BRD2: variants seen among roughly 807,000 people sequenced by gnomAD.
BRD2 encodes the protein bromodomain-containing protein 2.
A neutral mutation model predicts 79.1 loss-of-function variants in BRD2; 15 were observed. The ratio of observed to expected loss-of-function variants is 0.19; its 90% CI spans 0.13 to 0.29. The LOEUF (loss-of-function observed/expected upper bound fraction) is 0.29. Among genes scored for constraint, BRD2 ranks in the 10% least tolerant of loss-of-function variants. The pLI is 1.00. For missense variants in BRD2, 1,053 were observed against 991.3 expected (o/e 1.06, Z -0.84); for synonymous variants, 488 against 358.6 (o/e 1.36, Z -4.08).
intron 11 of BRD2, 65 bp from the exon 12 acceptor site, chr6:32,980,277 C>A (rs1672129506): frequency 6.2e-7 from 1 of 1,600,978 alleles, no homozygotes; most frequent in East Asian, 2.2e-5. Flanking sequence ...ACTTGGGAAC[C>A]TTAGGGGCCC....
At position 32,977,834 on chromosome 6, in the gene BRD2, G is replaced by A. The variant is rs765766361; in HGVS notation, c.1407G>A (p.Met469Ile). The A allele has an allele frequency of 1.2e-6, 2 of 1,613,096 alleles. No individual in the cohort carries two copies. The highest frequency in any genetic ancestry group is 2.2e-5 in the East Asian group (1 of 44,874). ...GGCCTTTACCAGTCTCTACTGCCAT[G>A]CCCCCTGGCTTGGCCAAATCGTCTT... Reference protein sequence around the residue: ...EPGPLPVSTAMPPGLAKSSSE... With the variant: ...EPGPLPVSTAIPPGLAKSSSE... The change falls in exon 9 of 13, where the codon ATG (methionine) becomes ATA (isoleucine). Residue 469 changes from methionine to isoleucine, a missense_variant. Physicochemically the swap from Met to Ile is conservative, Grantham distance 10 (BLOSUM62 1). Transcript: ENST00000374825.
rs751874554 is a variant in BRD2, at chr6:32,980,709, C to T, written c.2397C>T (p.Asp799=). ...CGTCTTCAGACACCAGTGATTCAGA[C>T]TCAGGCTAAGGGGTCAGGCCAGATG... The part of the protein sequence containing the change: ...SSSSSDTSDS[D]SG Residue 799 remains aspartate, a synonymous_variant, in exon 13 of 13, where the codon GAC becomes GAT. Transcript: ENST00000374825. 1.2e-5 allele frequency: 20 copies of T among 1,612,800 alleles called. No homozygotes were observed. The highest frequency in any genetic ancestry group is 5.0e-5 in the Admixed American group (3 of 60,016).
In BRD2 at chr6:32,972,798, T is replaced by TC. The variant is rs962429747; in HGVS notation, c.-95dup. ...GCCTGGAGGCCCAAGAGGAACGGCC[T>TC]CCCCCCAACTTAGCGGGTTATGCTG... is the stretch of plus-strand genomic sequence containing the variant. On this transcript the variant is annotated 5_prime_UTR_variant, in exon 2 of 13. Transcript: ENST00000374825. 2.9e-5 allele frequency: 45 copies of TC among 1,573,282 alleles called. No individual in the cohort carries two copies. The Admixed American group carries it at 7.4e-4, about 26-fold the overall frequency.
rs1420133023 is a variant in BRD2, at chr6:32,968,644, G to C, written c.-1717G>C. ...CTGAACTCGTATGGAGAGGCGAGTG[G>C]GGGGGACAGAGTCCAGGACTGCGGG... On this transcript the variant is annotated 5_prime_UTR_variant, in exon 1 of 13. Coordinates refer to ENST00000374825, the MANE Select transcript of BRD2 (RefSeq NM_005104.4). 2 of 153,114 alleles carry C rather than the reference G, an allele frequency of 1.3e-5. No homozygotes were observed. Among genetic ancestry groups the C allele is most frequent in the South Asian group, 2.0e-4 (1 of 5,012 alleles). 9.5% of individuals were successfully genotyped at this position (153,114 alleles called of 1,614,324 possible). A position where few individuals can be genotyped will look rare whatever the true frequency, so the allele number is the denominator to read the frequency against.
In BRD2 at chr6:32,974,618, A is replaced by G; in HGVS notation, c.186A>G (p.Pro62=). 6.2e-7 allele frequency: 1 copy of G among 1,613,880 alleles called. No individual in the cohort carries two copies. The highest frequency in any genetic ancestry group is 8.5e-7 in the Non-Finnish European group (1 of 1,179,972). ...PALQLTPANP[P]PPEVSNPKKP... is the part of the protein sequence containing the mutation. ...TGCAACTTACCCCTGCCAACCCACC[A>G]CCCCCGGAGGTGTCCAATCCCAAAA... The change falls in exon 3 of 13, where the codon CCA becomes CCG. Residue 62 remains proline, a synonymous_variant. Coordinates refer to ENST00000374825, the MANE Select transcript of BRD2 (RefSeq NM_005104.4).
chr6:32,976,457 T>A lies in BRD2; in HGVS notation c.818T>A (p.Leu273His), dbSNP rs772632827. ...AVTAAPPAQPLAKKKGVKRKA... is the reference protein window; with the variant it reads ...AVTAAPPAQPHAKKKGVKRKA... ...ACTGCAGCTCCTCCAGCCCAGCCCC[T>A]TGCCAAGGTATGATCTGTGGATTTC... The change falls in exon 6 of 13, where the codon CTT becomes CAT. Residue 273 changes from leucine to histidine, a missense_variant. Transcript: ENST00000374825. 24 of 1,608,952 alleles carry A rather than the reference T, an allele frequency of 1.5e-5. No individual in the cohort carries two copies. The highest frequency in any genetic ancestry group is 6.7e-5 in the Admixed American group (4 of 59,980).
rs1397150560 is a variant in BRD2, at chr6:32,978,186, A to G, written c.1639A>G (p.Arg547Gly). The G allele has an allele frequency of 6.2e-7, 1 of 1,613,034 alleles. No homozygotes were observed. The change falls in exon 10 of 13, where the codon AGG (arginine) becomes GGG (glycine). Residue 547 changes from arginine (R) to glycine (G), a missense_variant. Physicochemically the swap from Arg to Gly is moderately radical, Grantham distance 125. This residue lies in a region of BRD2 where 454 missense variants were observed against 430.5 expected (regional missense o/e 1.05). Coordinates refer to ENST00000374825, the MANE Select transcript of BRD2 (RefSeq NM_005104.4). The part of the protein sequence containing the change: ...LSQGPISKPK[R>G]KREKKEKKKK... ...CCAGGGTCCAATATCCAAGCCCAAG[A>G]GGAAAAGAGAGAAAAAAGAGAAAAA...
At position 32,972,870 on chromosome 6, in the gene BRD2, G is replaced by T. The variant is rs1411196904; in HGVS notation, c.-29G>T. ...GAGGCCACCCGGACTTTCCGCGGCT[G>T]AGGGCAGCGCCGGTTCCTTGCGGTC... On this transcript the variant is annotated 5_prime_UTR_variant, in exon 2 of 13. It removes the in-frame stop codon of an upstream open reading frame in the 5' UTR. Coordinates refer to ENST00000374825, the MANE Select transcript of BRD2 (RefSeq NM_005104.4). 3.1e-6 allele frequency: 5 copies of T among 1,613,906 alleles called. No individual in the cohort carries two copies. In the Admixed American group the frequency reaches 5.0e-5, roughly 16 times the overall value.
At chr6:32,980,254 G>A (rs115403773) in intron 11 of BRD2, 88 bp from the exon 12 acceptor site, 37,695 of 1,582,990 alleles carry the variant, frequency 0.024, 831 homozygotes, top group African/African-American at 0.089. Flanking sequence ...GGCAGCTGAC[G>A]TTCAAGAAGG....
At position 32,971,939 on chromosome 6, in the gene BRD2, C is replaced by T. The variant is rs889478473; in HGVS notation, c.-960C>T. On this transcript the variant is annotated 5_prime_UTR_variant, in exon 2 of 13. Coordinates refer to ENST00000374825, the MANE Select transcript of BRD2 (RefSeq NM_005104.4). ...GGAGATGTGGCGGGTTGCCACTTCC[C>T]TGTGGGTCTCTGCGGCACTCTTCTG... 28 of 702,842 alleles carry T rather than the reference C, an allele frequency of 4.0e-5. No homozygotes were observed. Among genetic ancestry groups the T allele is most frequent in the Middle Eastern group, 2.3e-4 (1 of 4,392 alleles). The allele number at this position is 702,842 out of a possible 1,614,324, so 43.5% of individuals were successfully genotyped here.
At chr6:32,973,796 T>C (rs1208497571) in intron 2 of BRD2, among the ~76,000 whole-genome samples, 1 of 151,964 alleles carries the variant, frequency 6.6e-6, no homozygotes, top group Non-Finnish European at 1.5e-5. Context: ...AGACTCTGAT[T>C]TGGTGCGAAT....
chr6:32,978,118 T>C lies in BRD2; in HGVS notation c.1579-8T>C, dbSNP rs932862239. On this transcript the variant is annotated splice_region_variant and splice_polypyrimidine_tract_variant and intron_variant, in intron 9 of 12. Transcript: ENST00000374825. ...TACTTTTTCCACTTCATGTTTTTTT[T>C]CCTTTAGCTTCGGGCAGTACATGAA... 3 of 1,593,630 alleles carry C rather than the reference T, an allele frequency of 1.9e-6. No homozygotes were observed. Among genetic ancestry groups the C allele is most frequent in the African/African-American group, 1.4e-5 (1 of 73,252 alleles).
Position 32,978,242 on chromosome 6 carries a change from C to G in BRD2, c.1695C>G (p.Gly565=), listed in dbSNP as rs762128609. 3.1e-5 allele frequency: 50 copies of G among 1,612,872 alleles called. No individual in the cohort carries two copies. The highest frequency in any genetic ancestry group is 1.2e-4 in the Admixed American group (7 of 60,000). ...AACGGAAGGCAGAGAAGCATCGAGG[C>G]CGAGCTGGGGCCGATGAAGATGACA... ...KKKRKAEKHR[G]RAGADEDDKG... Residue 565 remains glycine, a synonymous_variant, in exon 10 of 13, where the codon GGC becomes GGG. Transcript: ENST00000374825.
At position 32,971,655 on chromosome 6, in the gene BRD2, C is replaced by T. The variant is rs1777992980; in HGVS notation, c.-1244C>T. 2 of 431,954 alleles carry T rather than the reference C, an allele frequency of 4.6e-6. No individual in the cohort carries two copies. The highest frequency in any genetic ancestry group is 5.5e-5 in the South Asian group (1 of 18,276). The allele number at this position is 431,954 out of a possible 1,614,324, so 26.8% of individuals were successfully genotyped here. On this transcript the variant is annotated 5_prime_UTR_variant, in exon 2 of 13. Transcript: ENST00000374825. ...CCACCCGCCAGGCGTCTTGCGGCCACACCCCTGGCGGGTTCAGGCAGGCTA... is the reference window on the plus strand; with the variant it reads ...CCACCCGCCAGGCGTCTTGCGGCCATACCCCTGGCGGGTTCAGGCAGGCTA...
intron 2 of BRD2, among the ~76,000 whole-genome samples, 194 bp from the exon 3 acceptor site, chr6:32,974,268 A>G (rs951847092): frequency 6.6e-6 from 1 of 152,250 alleles, no homozygotes; most frequent in Non-Finnish European, 1.5e-5. Flanking sequence ...TATACTAAAA[A>G]TATTAATAAA....
chr6:32,969,266 G>A (rs116656352), intron 1 of BRD2: 19,981 of 695,802 alleles, frequency 0.029, 362 homozygotes, highest in South Asian at 0.043. Context: ...TCATGCCTCC[G>A]TACCCATTGG....
In BRD2 at chr6:32,972,463, G is replaced by A. The variant is rs967597242; in HGVS notation, c.-436G>A. On this transcript the variant is annotated 5_prime_UTR_variant, in exon 2 of 13. Coordinates refer to ENST00000374825, the MANE Select transcript of BRD2 (RefSeq NM_005104.4). ...CCTCAAGAGGATTTCAAAGATGGAG[G>A]CGGCGGCTCCCTAAACCACTTTTCG... is the stretch of plus-strand genomic sequence containing the variant. The A allele has an allele frequency of 6.1e-5, 18 of 296,756 alleles. No homozygotes were observed. The highest frequency in any genetic ancestry group is 5.0e-4 in the South Asian group (14 of 27,840). 18.4% of individuals were successfully genotyped at this position (296,756 alleles called of 1,614,324 possible).
At chr6:32,969,556 A>C (rs533321305) in intron 1 of BRD2, among the ~76,000 whole-genome samples, 1 of 152,280 alleles carries the variant, frequency 6.6e-6, no homozygotes, top group East Asian at 1.9e-4. Context: ...TGTCCGCGGT[A>C]GGGGAGCTCC....
In BRD2 at chr6:32,972,161, C is replaced by A. The variant is rs748540548; in HGVS notation, c.-738C>A. On this transcript the variant is annotated 5_prime_UTR_variant, in exon 2 of 13. Transcript: ENST00000374825. ...CATGAGCGGCGAAGCTCCTCCTCCCCGCCTATATATAAAGGGCTGGCGCGG... is the reference window on the plus strand; with the variant it reads ...CATGAGCGGCGAAGCTCCTCCTCCCAGCCTATATATAAAGGGCTGGCGCGG... The A allele has an allele frequency of 1.1e-5, 7 of 631,270 alleles. No homozygotes were observed. Among genetic ancestry groups the A allele is most frequent in the Non-Finnish European group, 2.0e-5 (7 of 346,800 alleles). 39.1% of individuals were successfully genotyped at this position (631,270 alleles called of 1,614,324 possible).
Sources: gnomAD v4.1 joint callset for allele counts (sites outside exome capture counted in the v4.1 genomes callset) on GRCh38, gnomAD v4.1.1 for gene constraint, gnomAD v4.1.1 regional missense constraint, MANE v1.5 for transcripts, NCBI Gene and HGNC (gene_info 2026-07-23, HGNC 2026-07-21) for gene names.